SPMIP2: variants seen among roughly 807,000 people sequenced by gnomAD.
SPMIP2 encodes sperm microtubule inner protein 2.
chr4:158,925,334 G>T, the SPMIP2 span, among the ~76,000 whole-genome samples: 1 of 152,150 alleles, frequency 6.6e-6, no homozygotes, highest in Non-Finnish European at 1.5e-5. Context: ...ATTGTTCGCA[G>T]TACTCCCTTA....
chr4:158,941,918 G>C, the SPMIP2 span, among the ~76,000 whole-genome samples: 1 of 152,014 alleles, frequency 6.6e-6, no homozygotes, highest in Non-Finnish European at 1.5e-5. Context: ...GTGGTGTTCT[G>C]GTAGATTTGG....
chr4:158,971,645 C>T, the SPMIP2 span, among the ~76,000 whole-genome samples: 1 of 152,116 alleles, frequency 6.6e-6, no homozygotes, highest in Non-Finnish European at 1.5e-5. Context: ...ATATATAGTC[C>T]TCACAACATA....
the SPMIP2 span, among the ~76,000 whole-genome samples, chr4:158,956,435 T>C: frequency 6.6e-6 from 1 of 152,210 alleles, no homozygotes; most frequent in African/African-American, 2.4e-5. Flanking sequence ...TGATGGTGCA[T>C]GCCTGTAGTC....
chr4:158,979,294 T>C, the SPMIP2 span, among the ~76,000 whole-genome samples: 1 of 152,028 alleles, frequency 6.6e-6, no homozygotes, highest in Admixed American at 6.6e-5. Context: ...CTGGGCTCCA[T>C]GGGGGTGGGA....
the SPMIP2 span, among the ~76,000 whole-genome samples, chr4:158,950,732 C>A: frequency 1.3e-5 from 2 of 152,110 alleles, no homozygotes; most frequent in Non-Finnish European, 2.9e-5. Flanking sequence ...TCCATCTCTA[C>A]TAAAAACACA....
the SPMIP2 span, among the ~76,000 whole-genome samples, chr4:159,047,500 A>AT: frequency 2.4e-4 from 36 of 151,856 alleles, no homozygotes; most frequent in African/African-American, 8.5e-4. Flanking sequence ...GATTGATTAA[A>AT]TTTTTTTTTA....
At chr4:159,066,880 C>T in the SPMIP2 span, among the ~76,000 whole-genome samples, 9 of 152,112 alleles carry the variant, frequency 5.9e-5, no homozygotes, top group African/African-American at 1.9e-4. Context: ...GCTGCCTTTG[C>T]AGAGGGAAGG....
the SPMIP2 span, among the ~76,000 whole-genome samples, chr4:159,045,033 G>A: frequency 6.6e-6 from 1 of 151,958 alleles, no homozygotes; most frequent in African/African-American, 2.4e-5. Flanking sequence ...GGCAGTCGCA[G>A]TGAGCCGAGA....
At chr4:158,899,740 CT>C in the SPMIP2 span, among the ~76,000 whole-genome samples, 1 of 152,056 alleles carries the variant, frequency 6.6e-6, no homozygotes, top group African/African-American at 2.4e-5. Context: ...ATATTCTCTT[CT>C]TTCTTCTTTA....
At chr4:158,977,337 C>T in the SPMIP2 span, among the ~76,000 whole-genome samples, 1 of 152,080 alleles carries the variant, frequency 6.6e-6, no homozygotes, top group Non-Finnish European at 1.5e-5. Flanking sequence ...GGTATGTGTC[C>T]AGGAATTTAT....
the SPMIP2 span, among the ~76,000 whole-genome samples, chr4:158,894,904 C>G: frequency 1.3e-5 from 2 of 152,102 alleles, no homozygotes; most frequent in Admixed American, 6.5e-5. Context: ...TGGTCAAGAT[C>G]AACATTTTCA....
the SPMIP2 span, among the ~76,000 whole-genome samples, chr4:159,025,408 C>T: frequency 6.6e-6 from 1 of 152,084 alleles, no homozygotes; most frequent in African/African-American, 2.4e-5. Context: ...CAAGTGATCC[C>T]CCCACCTCGG....
the SPMIP2 span, among the ~76,000 whole-genome samples, chr4:159,070,427 T>C: frequency 1.3e-5 from 2 of 152,238 alleles, no homozygotes; most frequent in Non-Finnish European, 2.9e-5. Flanking sequence ...GTATAATCTT[T>C]ACAACTCCAC....
At chr4:158,997,502 T>C in the SPMIP2 span, among the ~76,000 whole-genome samples, 1 of 152,136 alleles carries the variant, frequency 6.6e-6, no homozygotes, top group Admixed American at 6.6e-5. Context: ...GGATTACAGG[T>C]GTAAGCCACC....
the SPMIP2 span, among the ~76,000 whole-genome samples, chr4:159,027,937 A>C: frequency 6.6e-6 from 1 of 152,218 alleles, no homozygotes; most frequent in African/African-American, 2.4e-5. Context: ...TCATGCTGTG[A>C]TCACTCCTTT....
chr4:158,989,559 G>T, the SPMIP2 span, among the ~76,000 whole-genome samples: 2 of 152,048 alleles, frequency 1.3e-5, no homozygotes, highest in Non-Finnish European at 2.9e-5. Flanking sequence ...CAGAACAGAG[G>T]CCTCAGAAAT....
At chr4:159,010,005 A>G in the SPMIP2 span, among the ~76,000 whole-genome samples, 1 of 152,106 alleles carries the variant, frequency 6.6e-6, no homozygotes, top group Non-Finnish European at 1.5e-5. Flanking sequence ...AAAAACAAAA[A>G]CAAAAACAAA....
At chr4:159,019,431 T>A in the SPMIP2 span, among the ~76,000 whole-genome samples, 3 of 152,256 alleles carry the variant, frequency 2.0e-5, no homozygotes, top group South Asian at 4.1e-4. Flanking sequence ...CCTGCATCTT[T>A]TCGTCTTTCT....
At chr4:159,007,300 G>A in the SPMIP2 span, 5 of 871,478 alleles carry the variant, frequency 5.7e-6, no homozygotes, top group South Asian at 2.6e-5. Flanking sequence ...ACTTCCCTCC[G>A]GGCCCCACTG....
Sources: allele counts gnomAD v4.1 joint callset (sites outside exome capture counted in the v4.1 genomes callset), GRCh38; gene constraint gnomAD v4.1.1; transcripts MANE v1.5; gene names NCBI Gene and HGNC (gene_info 2026-07-23, HGNC 2026-07-21).